DENND4C: variants seen among roughly 807,000 people sequenced by gnomAD.
DENND4C encodes the protein DENN domain containing 4C.
DENND4C carries 108 observed loss-of-function variants against 203.0 expected under a neutral mutation model. That is an observed-to-expected ratio of 0.53 (90% confidence interval 0.46 to 0.62). DENND4C has a LOEUF of 0.62. DENND4C is among the 20% of genes least tolerant of loss of function. The pLI, the probability that DENND4C is intolerant of heterozygous loss-of-function variation, is 0.00. For missense variants in DENND4C, 2,481 were observed against 2,301.2 expected (o/e 1.08, Z -1.60); for synonymous variants, 871 against 792.4 (o/e 1.10, Z -1.67).
At chr9:19,340,922 T>C (rs1004560805) in intron 20 of DENND4C, 70 bp from the exon 21 acceptor site, 18 of 1,290,908 alleles carry the variant, frequency 1.4e-5, no homozygotes, top group Middle Eastern at 4.2e-4. Context: ...TGGAATTTTC[T>C]TGTGATTTTT....
At chr9:19,355,945 A>G (rs181243920) in intron 26 of DENND4C, among the ~76,000 whole-genome samples, 8 of 151,920 alleles carry the variant, frequency 5.3e-5, no homozygotes, top group African/African-American at 1.4e-4. Flanking sequence ...TAAGTCCTAT[A>G]CTTTTTGAGT....
Position 19,281,550 on chromosome 9 carries a change from T to C in DENND4C, c.305+5071T>C, listed in dbSNP as rs528080272. On this transcript the variant is annotated intron_variant, in intron 2 of 32. Coordinates refer to ENST00000434457, the MANE Select transcript of DENND4C (RefSeq NM_001330640.2). Reference sequence around the variant, plus strand: ...TAAACTTTTGTCTTTTTTACTGTTTTATAAACTGAGATGAGGTATTTATAA... The same window carrying C: ...TAAACTTTTGTCTTTTTTACTGTTTCATAAACTGAGATGAGGTATTTATAA... Among the ~76,000 whole-genome samples the C allele has an allele frequency of 2.0e-5, 3 of 152,338 alleles. No individual in the cohort carries two copies. In the South Asian group the frequency reaches 6.2e-4, roughly 32 times the overall value.
chr9:19,350,664 T>G, intron 23 of DENND4C, 38 bp from the exon 24 acceptor site: 1 of 1,566,016 alleles, frequency 6.4e-7, no homozygotes, highest in Non-Finnish European at 8.7e-7. Flanking sequence ...GGAGAAGGTA[T>G]TATTTATGTA....
chr9:19,285,326 G>C (rs867645549), intron 2 of DENND4C, among the ~76,000 whole-genome samples: 5 of 152,128 alleles, frequency 3.3e-5, no homozygotes, highest in Non-Finnish European at 5.9e-5. Context: ...ATGTCATACA[G>C]TTCACTTACT....
intron 28 of DENND4C, 101 bp from the exon 29 acceptor site, chr9:19,360,138 AATAAC>A (rs1826158671): frequency 8.3e-7 from 1 of 1,210,460 alleles, no homozygotes; most frequent in Non-Finnish European, 1.2e-6. Context: ...ATGGTCCTAA[AATAAC>A]TGATTTAAAA....
At chr9:19,233,943 T>C (rs1406620127) in intron 1 of DENND4C, among the ~76,000 whole-genome samples, 1 of 152,192 alleles carries the variant, frequency 6.6e-6, no homozygotes, top group Non-Finnish European at 1.5e-5. Context: ...AAGAAAAAAT[T>C]TAAATTACTC....
intron 17 of DENND4C, among the ~76,000 whole-genome samples, chr9:19,332,687 G>A (rs1003335972): frequency 6.6e-6 from 1 of 150,464 alleles, no homozygotes; most frequent in African/African-American, 2.4e-5. Flanking sequence ...TAAAGAGATG[G>A]AGTCTCACTC....
intron 6 of DENND4C, 48 bp from the exon 7 acceptor site, chr9:19,298,008 G>A (rs977454704): frequency 5.7e-6 from 8 of 1,392,922 alleles, no homozygotes; most frequent in Admixed American, 3.6e-5. Context: ...AAACTGTGAT[G>A]CATTTAGAAA....
rs552183797 is a variant in DENND4C at position 19,336,767 on chromosome 9, G to T, written c.2816G>T (p.Gly939Val). The T allele has an allele frequency of 3.9e-6, 6 of 1,550,870 alleles. No individual in the cohort carries two copies. In the African/African-American group the frequency reaches 6.8e-5, roughly 18 times the overall value. ...SVDSSNDANN[G>V]EHTVFVRDLI... ...GATAGTTCTAATGATGCTAACAATG[G>T]GGAGCACACAGTCTTCGTCAGAGAT... Residue 939 changes from glycine (G) to valine (V), a missense_variant, in exon 20 of 33, where the codon GGG becomes GTG. Physicochemically the swap from Gly to Val is moderately radical, Grantham distance 109. Coordinates refer to ENST00000434457, the MANE Select transcript of DENND4C (RefSeq NM_001330640.2).
rs114689060 is a variant in DENND4C, at chr9:19,326,608, T to C, written c.2120+414T>C. On this transcript the variant is annotated intron_variant, in intron 15 of 32. Transcript: ENST00000434457. ...AAAGGATAGGATTTGGATGTGACTC[T>C]TTTAAGAAATTAGAATGGATTTTGT... Among the ~76,000 whole-genome samples, 536 of 152,264 alleles carry C rather than the reference T, an allele frequency of 3.5e-3. 2 individuals carry two copies. The highest frequency in any genetic ancestry group is 0.012 in the African/African-American group (516 of 41,578).
intron 1 of DENND4C, among the ~76,000 whole-genome samples, chr9:19,234,439 C>T (rs1821360145): frequency 6.6e-6 from 1 of 151,356 alleles, no homozygotes; most frequent in Admixed American, 6.6e-5. Flanking sequence ...ACCGTGTTAG[C>T]CAGGATGGTC....
intron 1 of DENND4C, among the ~76,000 whole-genome samples, chr9:19,256,319 T>G (rs1375633192): frequency 8.1e-6 from 1 of 123,518 alleles, no homozygotes; most frequent in Admixed American, 8.4e-5. Context: ...GTTTTTTTTT[T>G]TTTTTTTGAG....
chr9:19,334,937 A>ACTGACACT (rs1820097354), intron 17 of DENND4C, 40 bp from the exon 18 acceptor site: 1 of 1,536,552 alleles, frequency 6.5e-7, no homozygotes, highest in African/African-American at 1.4e-5. Flanking sequence ...CAGATAGATT[A>ACTGACACT]GTATACTAAT....
intron 5 of DENND4C, among the ~76,000 whole-genome samples, chr9:19,291,103 C>T (rs12379779): frequency 5.1e-4 from 78 of 152,178 alleles, no homozygotes; most frequent in Admixed American, 2.4e-3. Flanking sequence ...TGGATAGACA[C>T]CTTCAAAACC....
chr9:19,323,876 G>A (rs1405522708), intron 12 of DENND4C, among the ~76,000 whole-genome samples: 2 of 152,144 alleles, frequency 1.3e-5, no homozygotes, highest in Non-Finnish European at 2.9e-5. Context: ...TATATATGCA[G>A]TTACCACAGG....
intron 10 of DENND4C, among the ~76,000 whole-genome samples, chr9:19,313,169 T>G (rs1016018961): frequency 1.3e-5 from 2 of 152,226 alleles, no homozygotes; most frequent in African/African-American, 4.8e-5. Flanking sequence ...ATGATTCCTC[T>G]TAATTTTTTA....
chr9:19,365,609 A>G (rs1414266414), intron 30 of DENND4C, among the ~76,000 whole-genome samples: 1 of 151,346 alleles, frequency 6.6e-6, no homozygotes, highest in East Asian at 1.9e-4. Flanking sequence ...TTTGCAGATT[A>G]TATGATAAAT....
intron 19 of DENND4C, 70 bp from the exon 20 acceptor site, chr9:19,336,616 G>T (rs1037574913): frequency 1.4e-6 from 2 of 1,473,110 alleles, no homozygotes; most frequent in Non-Finnish European, 1.8e-6. Context: ...ATGAACTGTG[G>T]GTCAATCATG....
intron 25 of DENND4C, 112 bp downstream of exon 25, chr9:19,352,294 T>A: frequency 8.8e-7 from 1 of 1,134,006 alleles, no homozygotes; most frequent in Non-Finnish European, 1.2e-6. Context: ...ATAAAATAAG[T>A]CATTTTGTTG....
Sources: gnomAD v4.1 joint callset for allele counts (sites outside exome capture counted in the v4.1 genomes callset) on GRCh38, gnomAD v4.1.1 for gene constraint, MANE v1.5 for transcripts, NCBI Gene and HGNC (gene_info 2026-07-23, HGNC 2026-07-21) for gene names.